Variants in NAA11 observed in about 807,000 individuals in gnomAD.
The protein encoded by NAA11 is N-alpha-acetyltransferase 11, NatA catalytic subunit.
In NAA11, 15 loss-of-function variants were observed where a neutral mutation model predicts 16.1. The ratio of observed to expected loss-of-function variants is 0.93; its 90% CI spans 0.62 to 1.44. The LOEUF (loss-of-function observed/expected upper bound fraction) is 1.44, where lower values mean the gene tolerates loss of function less well. Ranked by LOEUF, NAA11 falls within the 40% of genes most tolerant of loss-of-function variation. NAA11 has a pLI of 0.00. For missense variants in NAA11, 298 were observed against 291.3 expected (o/e 1.02, Z -0.17); for synonymous variants, 122 against 112.4 (o/e 1.09, Z -0.54).
chr4:79,227,689 C>A (rs1578150931), intron 2 of NAA11: 1 of 151,932 alleles, frequency 6.6e-6, no homozygotes, highest in Non-Finnish European at 1.5e-5. Context: ...TTAGGTGAGG[C>A]CTGCTGAGTG....
the NAA11 span, chr4:79,211,628 C>T: frequency 6.6e-6 from 1 of 152,336 alleles, no homozygotes; most frequent in South Asian, 2.1e-4. Flanking sequence ...ATTCCCCACC[C>T]CCCACAAGCT....
At chr4:79,210,645 A>G in the NAA11 span, among the ~76,000 whole-genome samples, 1 of 152,204 alleles carries the variant, frequency 6.6e-6, no homozygotes, top group Non-Finnish European at 1.5e-5. Flanking sequence ...ATGCTTTTAT[A>G]TTCCTATATG....
chr4:79,166,423 C>A, the NAA11 span, among the ~76,000 whole-genome samples: 2 of 151,512 alleles, frequency 1.3e-5, no homozygotes, highest in African/African-American at 4.9e-5. Context: ...GCAAACATAA[C>A]TCAGCTCATT....
intron 2 of NAA11, among the ~76,000 whole-genome samples, chr4:79,289,101 T>G (rs980945781): frequency 1.3e-5 from 2 of 152,222 alleles, no homozygotes; most frequent in African/African-American, 4.8e-5. Flanking sequence ...AGCTATATCT[T>G]CATAATGCCC....
chr4:79,249,060 C>A (rs549688830), intron 2 of NAA11, among the ~76,000 whole-genome samples: 138 of 152,292 alleles, frequency 9.1e-4, no homozygotes, highest in Middle Eastern at 3.4e-3. Flanking sequence ...CCAATGCCAG[C>A]TCCCAAGAGT....
intron 2 of NAA11, among the ~76,000 whole-genome samples, chr4:79,283,847 T>G (rs1288267473): frequency 6.6e-6 from 1 of 152,162 alleles, no homozygotes; most frequent in Non-Finnish European, 1.5e-5. Context: ...GCTTTAATTC[T>G]TTGTGGAACC....
the NAA11 span, among the ~76,000 whole-genome samples, chr4:79,182,476 C>G: frequency 6.6e-6 from 1 of 152,146 alleles, no homozygotes; most frequent in African/African-American, 2.4e-5. Context: ...TTTATGGTGA[C>G]ATTTACTGAA....
chr4:79,257,689 T>C (rs905931489), intron 2 of NAA11, among the ~76,000 whole-genome samples: 2 of 152,210 alleles, frequency 1.3e-5, no homozygotes, highest in Non-Finnish European at 2.9e-5. Flanking sequence ...TAATTTCTTC[T>C]TGAGTTCTGT....
intron 1 of NAA11, among the ~76,000 whole-genome samples, chr4:79,296,216 C>T (rs765592926): frequency 6.6e-6 from 1 of 152,110 alleles, no homozygotes; most frequent in Non-Finnish European, 1.5e-5. Flanking sequence ...TTCATCATAA[C>T]AGTTTGAGGA....
At position 79,303,073 on chromosome 4, in the gene NAA11, C is replaced by A. The variant is rs868757144; in HGVS notation, c.*13-8959G>T. Reference sequence around the variant, plus strand: ...CTTTTCATTCCTGTTCTCTTGAGGCCTTTTATATATATATATATATATATA... The same window carrying A: ...CTTTTCATTCCTGTTCTCTTGAGGCATTTTATATATATATATATATATATA... On this transcript the variant is annotated intron_variant and NMD_transcript_variant, in intron 1 of 2. Coordinates refer to the NAA11 transcript ENST00000511542. Among the ~76,000 whole-genome samples, 73 of 67,992 alleles carry A rather than the reference C, an allele frequency of 1.1e-3. 1 individual carries two copies. The highest frequency in any genetic ancestry group is 5.7e-3 in the African/African-American group (72 of 12,618). 44.6% of individuals were successfully genotyped at this position (67,992 alleles called of 152,430 possible).
At chr4:79,254,924 A>C (rs1349937230) in intron 2 of NAA11, among the ~76,000 whole-genome samples, 1 of 152,132 alleles carries the variant, frequency 6.6e-6, no homozygotes, top group Non-Finnish European at 1.5e-5. Context: ...ATATGAGGAA[A>C]CTGAGGCAAC....
chr4:79,226,513 T>C (rs1034493166), intron 2 of NAA11, among the ~76,000 whole-genome samples: 1 of 152,004 alleles, frequency 6.6e-6, no homozygotes, highest in Non-Finnish European at 1.5e-5. Context: ...CGTGCCATGT[T>C]GGTGTGCTGC....
intron 2 of NAA11, among the ~76,000 whole-genome samples, chr4:79,293,616 G>T (rs910018573): frequency 6.6e-6 from 1 of 152,178 alleles, no homozygotes; most frequent in African/African-American, 2.4e-5. Flanking sequence ...TCAAGTCCAT[G>T]TTCTTAACCA....
At chr4:79,291,200 G>A (rs1042376421) in intron 2 of NAA11, among the ~76,000 whole-genome samples, 1 of 152,090 alleles carries the variant, frequency 6.6e-6, no homozygotes, top group Non-Finnish European at 1.5e-5. Flanking sequence ...AGTGGTTTAC[G>A]CCTATAATCC....
chr4:79,282,257 A>G (rs1296918036), intron 2 of NAA11, among the ~76,000 whole-genome samples: 1 of 152,112 alleles, frequency 6.6e-6, no homozygotes, highest in Non-Finnish European at 1.5e-5. Context: ...AGCCCACATT[A>G]TACAAGGTGC....
chr4:79,198,757 TGGG>T, the NAA11 span, among the ~76,000 whole-genome samples: 2 of 151,948 alleles, frequency 1.3e-5, no homozygotes, highest in African/African-American at 4.8e-5. Flanking sequence ...AGAGCGGTCT[TGGG>T]AATACTTAAG....
Position 79,242,458 on chromosome 4 carries a change from T to C in NAA11, c.*123-16188A>G, listed in dbSNP as rs975562308. ...TCTGGCCTGGGGAAACCCAGTGAAC[T>C]TCTCTGCCACCCAAAGGGTACCAAC... On this transcript the variant is annotated intron_variant and NMD_transcript_variant, in intron 2 of 2. Coordinates refer to the NAA11 transcript ENST00000511542. 3.1e-4 allele frequency among the ~76,000 whole-genome samples: 47 copies of C among 152,234 alleles called. 1 individual carries two copies. Among genetic ancestry groups the C allele is most frequent in the Non-Finnish European group, 2.9e-5 (2 of 68,044 alleles).
chr4:79,279,734 A>G (rs977653202), intron 2 of NAA11, among the ~76,000 whole-genome samples: 1 of 152,082 alleles, frequency 6.6e-6, no homozygotes, highest in African/African-American at 2.4e-5. Flanking sequence ...AATATGTTGT[A>G]AACCTGTTTC....
chr4:79,185,616 G>A, the NAA11 span, among the ~76,000 whole-genome samples: 1 of 152,138 alleles, frequency 6.6e-6, no homozygotes, highest in South Asian at 2.1e-4. Context: ...TTAAAAAGCT[G>A]TTTCTACATC....
Sources: gnomAD v4.1 joint callset for allele counts (sites outside exome capture counted in the v4.1 genomes callset) on GRCh38, gnomAD v4.1.1 for gene constraint, MANE v1.5 for transcripts, NCBI Gene and HGNC (gene_info 2026-07-23, HGNC 2026-07-21) for gene names.